The following ARHGEF1 variants were observed in gnomAD, a reference collection of about 807,000 sequenced individuals.
ARHGEF1 encodes the protein 115 kDa guanine nucleotide exchange factor.
Under a neutral mutation model 119.7 loss-of-function variants are expected in ARHGEF1, and 40 were observed. The ratio of observed to expected loss-of-function variants is 0.33; its 90% CI spans 0.26 to 0.44. The LOEUF is 0.44. Among genes scored for constraint, ARHGEF1 ranks in the 20% least tolerant of loss-of-function variants. ARHGEF1 has a pLI of 1.00. For synonymous variants in ARHGEF1, 494 were observed against 521.0 expected, an observed-to-expected ratio of 0.95 and a Z score of 0.71; for missense variants, 976 against 1,268.3, an observed-to-expected ratio of 0.77 and a Z score of 3.50.
At chr19:41,908,956 G>C (rs2074736259), downstream of ARHGEF1, 2 of 710,456 alleles carry the variant, frequency 2.8e-6, no homozygotes, top group East Asian at 6.8e-5. This position sits in a 1 kb window ranked among gnomAD's most constrained non-coding sequence, Gnocchi z 6.7. Flanking sequence ...CCTGGCCCTG[G>C]GCCCCCTTCC....
chr19:41,896,339 GA>G, intron 12 of ARHGEF1, 37 bp from the exon 13 acceptor site: 3 of 1,162,340 alleles, frequency 2.6e-6, no homozygotes, highest in South Asian at 6.5e-5. Context: ...CGTGGCCGCA[GA>G]GGCCTTCCAG....
At position 41,888,127 on chromosome 19, in the gene ARHGEF1, G is replaced by T; in HGVS notation, c.24+21G>T. Reference sequence around the variant, plus strand: ...GGGCGGTGAGTGGACAGAGCAAGGGGTGAGGCGACTCTGGGGCTGTGGGTG... The same window carrying T: ...GGGCGGTGAGTGGACAGAGCAAGGGTTGAGGCGACTCTGGGGCTGTGGGTG... On this transcript the variant is annotated intron_variant, in intron 2 of 28. Coordinates refer to ENST00000354532, the MANE Select transcript of ARHGEF1 (RefSeq NM_004706.4). This position sits in a 1 kb window ranked among gnomAD's most constrained non-coding sequence, Gnocchi z 5.1. 1.2e-6 allele frequency: 2 copies of T among 1,614,086 alleles called. No individual in the cohort carries two copies. Among genetic ancestry groups the T allele is most frequent in the South Asian group, 1.1e-5 (1 of 91,070 alleles).
In ARHGEF1 at chr19:41,896,975, C is replaced by T. The variant is rs1045285741; in HGVS notation, c.1121+493C>T. 27 of 418,280 alleles carry T rather than the reference C, an allele frequency of 6.5e-5. No homozygotes were observed. The Admixed American group carries it at 6.8e-4, about 11-fold the overall frequency. 25.9% of individuals were successfully genotyped at this position (418,280 alleles called of 1,614,324 possible). ...TCACCTTCCCCCTCCTCTCTTTCCT[C>T]CCCACTCCTCTCTCACCTGGGTTTT... On this transcript the variant is annotated intron_variant, in intron 13 of 28. Transcript: ENST00000354532.
Position 41,906,854 on chromosome 19 carries a change from CT to C in ARHGEF1, c.*17+52del, listed in dbSNP as rs2145873581. On this transcript the variant is annotated intron_variant, in intron 28 of 28. Transcript: ENST00000354532. This position sits in a 1 kb window ranked among gnomAD's most constrained non-coding sequence, Gnocchi z 4.5. ...GCGCTGTCCTGAAAGGAGGGTCCCC[CT>C]CCAGAGCTCGCATCCCTACAGCCCC... 7.0e-7 allele frequency: 1 copy of C among 1,424,098 alleles called. No individual in the cohort carries two copies. Among genetic ancestry groups the C allele is most frequent in the Non-Finnish European group, 9.5e-7 (1 of 1,047,248 alleles). 88.2% of individuals were successfully genotyped at this position (1,424,098 alleles called of 1,614,324 possible). A position where few individuals can be genotyped will look rare whatever the true frequency, so the allele number is the denominator to read the frequency against.
At position 41,904,140 on chromosome 19, in the gene ARHGEF1, G is replaced by T. The variant is rs1475424191; in HGVS notation, c.1993+30G>T. ...GTGCCAGAGCAGCTGCCTAGTGCAG[G>T]GTGTTGGGGCAGTGAGCCAAGGGCG... is the stretch of plus-strand genomic sequence containing the variant. On this transcript the variant is annotated intron_variant, in intron 21 of 28. Transcript: ENST00000354532. This position sits in a 1 kb window ranked among gnomAD's most constrained non-coding sequence, Gnocchi z 8.4. 1.9e-6 allele frequency: 3 copies of T among 1,614,190 alleles called. No individual in the cohort carries two copies. Among genetic ancestry groups the T allele is most frequent in the East Asian group, 2.2e-5 (1 of 44,882 alleles).
chr19:41,919,789 G>C (rs1439837893), upstream of ARHGEF1, among the ~76,000 whole-genome samples: 1 of 125,832 alleles, frequency 7.9e-6, no homozygotes, highest in Non-Finnish European at 1.5e-5. Flanking sequence ...TGCCCTCAGA[G>C]ATAACTGCCC....
chr19:41,916,221 C>T lies in ARHGEF1; in HGVS notation c.1866-6871C>T, dbSNP rs1295373169. Among the ~76,000 whole-genome samples the T allele has an allele frequency of 6.6e-6, 1 of 151,396 alleles. No individual in the cohort carries two copies. Among genetic ancestry groups the T allele is most frequent in the Non-Finnish European group, 1.5e-5 (1 of 67,826 alleles). Reference sequence around the variant, plus strand: ...ACAGCACACATCGCACAGATGCACACACCAGCACAGCCACACACACACCAT... The same window carrying T: ...ACAGCACACATCGCACAGATGCACATACCAGCACAGCCACACACACACCAT... On this transcript the variant is annotated intron_variant, in intron 18 of 20. Coordinates refer to the ARHGEF1 transcript ENST00000599589. The surrounding 1 kb of genome is among the most constrained non-coding windows in gnomAD (Gnocchi z 5.4).
chr19:41,910,529 G>T (rs1555851154), downstream of ARHGEF1, among the ~76,000 whole-genome samples: 2 of 152,068 alleles, frequency 1.3e-5, no homozygotes, highest in Non-Finnish European at 2.9e-5. This position sits in a 1 kb window ranked among gnomAD's most constrained non-coding sequence, Gnocchi z 4.4. Flanking sequence ...TACTGTCTCT[G>T]TTCCCCATTC....
rs1446698623 is a variant in ARHGEF1 at position 41,902,051 on chromosome 19, G to A, written c.1414+18G>A. ...GGTGCATTGTGAGTGCAGAGCCAGG[G>A]TCCCTCTGTGTACCCCACTGCCCCA... On this transcript the variant is annotated intron_variant, in intron 15 of 28. Transcript: ENST00000354532. This position sits in a 1 kb window ranked among gnomAD's most constrained non-coding sequence, Gnocchi z 6.5. 3.7e-6 allele frequency: 6 copies of A among 1,607,658 alleles called. No homozygotes were observed. In the African/African-American group the frequency reaches 5.3e-5, roughly 14 times the overall value.
downstream of ARHGEF1, chr19:41,908,549 G>T (rs1366652189): frequency 1.6e-6 from 2 of 1,231,690 alleles, no homozygotes; most frequent in Non-Finnish European, 2.0e-6. This position sits in a 1 kb window ranked among gnomAD's most constrained non-coding sequence, Gnocchi z 6.7. Context: ...AGAAATGCGG[G>T]GGGTAGAGAG....
downstream of ARHGEF1, chr19:41,908,957 G>GC: frequency 1.4e-6 from 1 of 726,002 alleles, no homozygotes; most frequent in Non-Finnish European, 1.9e-6. This position sits in a 1 kb window ranked among gnomAD's most constrained non-coding sequence, Gnocchi z 6.7. Flanking sequence ...CTGGCCCTGG[G>GC]CCCCCTTCCC....
intron 1 of ARHGEF1, among the ~76,000 whole-genome samples, chr19:41,926,055 AG>A (rs1398716727): frequency 6.6e-6 from 1 of 152,060 alleles, no homozygotes; most frequent in Non-Finnish European, 1.5e-5. Flanking sequence ...CGAATGTGTG[AG>A]GAACAGGTGA....
At chr19:41,915,957 G>C (rs942351566) in intron 18 of ARHGEF1, among the ~76,000 whole-genome samples, 1 of 151,474 alleles carries the variant, frequency 6.6e-6, no homozygotes, top group African/African-American at 2.4e-5. Flanking sequence ...GCCGGCCGGC[G>C]TGGTGCGGAT....
At chr19:41,921,852 C>T (rs1027215878), upstream of ARHGEF1, among the ~76,000 whole-genome samples, 4 of 151,910 alleles carry the variant, frequency 2.6e-5, no homozygotes, top group African/African-American at 9.7e-5. The surrounding 1 kb of genome is among the most constrained non-coding windows in gnomAD (Gnocchi z 4.4). Context: ...GAGTCCGACC[C>T]ATCCCAGCTT....
At chr19:41,891,828 G>A (rs1555846237) in intron 4 of ARHGEF1, among the ~76,000 whole-genome samples, 197 bp from the exon 5 acceptor site, 3 of 152,154 alleles carry the variant, frequency 2.0e-5, no homozygotes, top group Non-Finnish European at 4.4e-5. Flanking sequence ...AAATGCTCAT[G>A]GCAGCCCCAG....
Position 41,906,815 on chromosome 19 carries a change from A to G in ARHGEF1, c.*17+12A>G. 6.3e-7 allele frequency: 1 copy of G among 1,594,874 alleles called. No individual in the cohort carries two copies. Among genetic ancestry groups the G allele is most frequent in the Non-Finnish European group, 8.6e-7 (1 of 1,169,444 alleles). On this transcript the variant is annotated intron_variant, in intron 28 of 28. Coordinates refer to ENST00000354532, the MANE Select transcript of ARHGEF1 (RefSeq NM_004706.4). The surrounding 1 kb of genome is among the most constrained non-coding windows in gnomAD (Gnocchi z 4.5). Reference sequence around the variant, plus strand: ...TCCCGCCCAGGAAGGTGAGTGGGGCACCTGGGGGCCAGGGCGCTGTCCTGA... The same window carrying G: ...TCCCGCCCAGGAAGGTGAGTGGGGCGCCTGGGGGCCAGGGCGCTGTCCTGA...
chr19:41,884,451 C>T (rs545498995), intron 1 of ARHGEF1: 2 of 1,606,058 alleles, frequency 1.2e-6, no homozygotes, highest in Admixed American at 1.7e-5. Context: ...GCGGAGGCTT[C>T]GGTTCCGGTG....
chr19:41,910,785 C>T (rs531673078), downstream of ARHGEF1, among the ~76,000 whole-genome samples: 1 of 152,286 alleles, frequency 6.6e-6, no homozygotes, highest in South Asian at 2.1e-4. The surrounding 1 kb of genome is among the most constrained non-coding windows in gnomAD (Gnocchi z 4.4). Flanking sequence ...GTTCACTTGC[C>T]TGAGACACAC....
Position 41,917,410 on chromosome 19 carries a change from C to CGGCCGCCTCGGG in ARHGEF1, c.1866-5681_1866-5670dup, listed in dbSNP as rs2074807907. 6.6e-6 allele frequency among the ~76,000 whole-genome samples: 1 copy of CGGCCGCCTCGGG among 152,070 alleles called. No homozygotes were observed. Among genetic ancestry groups the CGGCCGCCTCGGG allele is most frequent in the Non-Finnish European group, 1.5e-5 (1 of 67,998 alleles). ...TTGTTTTGATTTCTCTAAGCTGCGC[C>CGGCCGCCTCGGG]GGCCGCCTCGGGAGCCGCCTCGGGC... On this transcript the variant is annotated intron_variant, in intron 18 of 20. Coordinates refer to the ARHGEF1 transcript ENST00000599589. This position sits in a 1 kb window ranked among gnomAD's most constrained non-coding sequence, Gnocchi z 4.8.
Sources: gnomAD v4.1 joint callset for allele counts (sites outside exome capture counted in the v4.1 genomes callset) on GRCh38, gnomAD v4.1.1 for gene constraint, Gnocchi (gnomAD v3.1) non-coding constraint, MANE v1.5 for transcripts, NCBI Gene and HGNC (gene_info 2026-07-23, HGNC 2026-07-21) for gene names.